Variants in MS4A1 observed in about 807,000 individuals in gnomAD.
MS4A1 encodes membrane spanning 4-domains A1, also known as B-lymphocyte antigen CD20.
Under a neutral mutation model 26.5 loss-of-function variants are expected in MS4A1, and 16 were observed. The ratio of observed to expected loss-of-function variants is 0.60; its 90% CI spans 0.41 to 0.92. The LOEUF is 0.92. Among genes scored for constraint, MS4A1 ranks in the 40% least tolerant of loss-of-function variants. MS4A1 has a pLI of 0.00. For synonymous variants in MS4A1, 128 were observed against 117.6 expected, an observed-to-expected ratio of 1.09 and a Z score of -0.57; for missense variants, 350 against 353.0, an observed-to-expected ratio of 0.99 and a Z score of 0.07.
Position 60,462,861 on chromosome 11 carries a change from G to T in MS4A1, c.160-141G>T, listed in dbSNP as rs1167333310. 9 of 1,319,260 alleles carry T rather than the reference G, an allele frequency of 6.8e-6. No homozygotes were observed. In the African/African-American group the frequency reaches 7.2e-5, roughly 11 times the overall value. The allele number at this position is 1,319,260 out of a possible 1,614,324, so 81.7% of individuals were successfully genotyped here. Reference sequence around the variant, plus strand: ...AGGAAACAGATTCGAACAAGAAAAAGACAAAATTCTTGGCACCTCCACTGC... The same window carrying T: ...AGGAAACAGATTCGAACAAGAAAAATACAAAATTCTTGGCACCTCCACTGC... On this transcript the variant is annotated intron_variant, in intron 3 of 7. Transcript: ENST00000345732.
In MS4A1 at chr11:60,464,342, T is replaced by A. The variant is rs1472951650; in HGVS notation, c.334T>A (p.Leu112Met). 2 of 1,613,410 alleles carry A rather than the reference T, an allele frequency of 1.2e-6. No individual in the cohort carries two copies. The highest frequency in any genetic ancestry group is 3.3e-5 in the Admixed American group (2 of 59,970). Residue 112 changes from leucine (L) to methionine (M), a missense_variant and splice_region_variant, in exon 5 of 8, where the codon TTG becomes ATG. By Grantham distance (15) the Leu-to-Met change is conservative (BLOSUM62 2). Transcript: ENST00000345732. ...AACGGAGAAAAACTCCAGGAAGTGTTTGGCAAGTAACCATATGTCCTTCTT... is the reference window on the plus strand; with the variant it reads ...AACGGAGAAAAACTCCAGGAAGTGTATGGCAAGTAACCATATGTCCTTCTT... Reference protein sequence around the residue: ...AATEKNSRKCLVKGKMIMNSL... With the variant: ...AATEKNSRKCMVKGKMIMNSL...
rs202217903 is a variant in MS4A1 at position 60,462,528 on chromosome 11, T to C, written c.154T>C (p.Leu52=). ...CTTCTTCATGAGGGAATCTAAGACT[T>C]TGGGGGTAAGTCAGTTGCCTTCCAT... ...QSFFMRESKT[L]GAVQIMNGLF... Residue 52 remains leucine, a synonymous_variant, in exon 3 of 8, where the codon TTG becomes CTG. Transcript: ENST00000345732. 11 of 1,614,026 alleles carry C rather than the reference T, an allele frequency of 6.8e-6. No homozygotes were observed. The highest frequency in any genetic ancestry group is 2.2e-5 in the South Asian group (2 of 91,080).
intron 1 of MS4A1, among the ~76,000 whole-genome samples, chr11:60,460,192 G>A (rs2086237005): frequency 6.6e-6 from 1 of 152,314 alleles, no homozygotes; most frequent in African/African-American, 2.4e-5. Flanking sequence ...GCTGCAGTGA[G>A]CTGTGATCAT....
chr11:60,461,896 G>T (rs1406844506), intron 2 of MS4A1, among the ~76,000 whole-genome samples: 3 of 148,956 alleles, frequency 2.0e-5, no homozygotes, highest in African/African-American at 4.8e-5. Context: ...GACCCCTCCT[G>T]CTTCTACAGA....
intron 5 of MS4A1, among the ~76,000 whole-genome samples, chr11:60,465,472 C>A (rs1415721720): frequency 2.6e-5 from 4 of 152,168 alleles, no homozygotes; most frequent in Non-Finnish European, 5.9e-5. Context: ...CCTTCCCAAC[C>A]TATACTTCAT....
At chr11:60,463,799 A>T (rs1189571124) in intron 4 of MS4A1, 3 of 455,886 alleles carry the variant, frequency 6.6e-6, no homozygotes, top group Non-Finnish European at 1.3e-5. Context: ...AATAGTCATC[A>T]TCACTTCCTG....
chr11:60,459,651 T>C (rs979060102), intron 1 of MS4A1, among the ~76,000 whole-genome samples: 3 of 152,170 alleles, frequency 2.0e-5, no homozygotes, highest in African/African-American at 7.2e-5. Context: ...ATATCTGTTT[T>C]TGTTAGAGGT....
chr11:60,468,398 CAG>C lies in MS4A1; in HGVS notation c.828_829del (p.Glu276AspfsTer18). ...ATCCAAGAAGAGGAAGAAGAAGAAA[CAG>C]AGACGAACTTTCCAGAACCTCCCCA... On this transcript the variant is annotated frameshift_variant, in exon 8 of 8. Coordinates refer to ENST00000345732, the MANE Select transcript of MS4A1 (RefSeq NM_152866.3). LOFTEE classifies it high-confidence loss of function. The C allele has an allele frequency of 6.2e-7, 1 of 1,614,110 alleles. No homozygotes were observed. The highest frequency in any genetic ancestry group is 8.5e-7 in the Non-Finnish European group (1 of 1,180,008).
At chr11:60,459,495 G>A (rs1450252043) in intron 1 of MS4A1, among the ~76,000 whole-genome samples, 1 of 152,152 alleles carries the variant, frequency 6.6e-6, no homozygotes, top group Non-Finnish European at 1.5e-5. Context: ...TAACTGTGAG[G>A]TCTTTACTAA....
At chr11:60,460,004 G>C (rs1283119610) in intron 1 of MS4A1, among the ~76,000 whole-genome samples, 3 of 152,096 alleles carry the variant, frequency 2.0e-5, no homozygotes. Flanking sequence ...CTAGCACTTT[G>C]GGAGGTGGAG....
At chr11:60,468,128 C>A in intron 7 of MS4A1, 122 bp from the exon 8 acceptor site, 1 of 922,960 alleles carries the variant, frequency 1.1e-6, no homozygotes, top group Non-Finnish European at 1.6e-6. Flanking sequence ...CATTTAAAGG[C>A]ATATAATAAA....
In MS4A1 at chr11:60,462,364, T is replaced by C. The variant is rs1246573705; in HGVS notation, c.-11T>C. The C allele has an allele frequency of 3.1e-6, 5 of 1,614,040 alleles. No individual in the cohort carries two copies. The highest frequency in any genetic ancestry group is 4.2e-6 in the Non-Finnish European group (5 of 1,180,022). On this transcript the variant is annotated 5_prime_UTR_variant, in exon 3 of 8. Coordinates refer to ENST00000345732, the MANE Select transcript of MS4A1 (RefSeq NM_152866.3). ...GTTATTTGTTTTATTTTTAGGAGTT[T>C]TGAGAGCAAAATGACAACACCCAGA...
chr11:60,467,190 G>A, intron 7 of MS4A1, 130 bp downstream of exon 7: 1 of 767,512 alleles, frequency 1.3e-6, no homozygotes, highest in Non-Finnish European at 2.2e-6. Context: ...AATTGGTCTT[G>A]GCATATTTCT....
intron 6 of MS4A1, 45 bp from the exon 7 acceptor site, chr11:60,466,914 G>C (rs772141783): frequency 6.5e-7 from 1 of 1,542,248 alleles, no homozygotes; most frequent in South Asian, 1.1e-5. Context: ...AATGTTCTTT[G>C]TGCCATTATT....
intron 3 of MS4A1, 142 bp downstream of exon 3, chr11:60,462,675 G>A: frequency 4.5e-6 from 5 of 1,110,020 alleles, no homozygotes; most frequent in Non-Finnish European, 6.7e-6. Flanking sequence ...AACACAGTGG[G>A]CCAAATCAGG....
intron 1 of MS4A1, 135 bp downstream of exon 1, chr11:60,456,080 T>C (rs895442278): frequency 3.3e-5 from 5 of 152,254 alleles, no homozygotes; most frequent in African/African-American, 1.2e-4. Flanking sequence ...GTTCTATGAC[T>C]TAAGGAGGGG....
chr11:60,468,486 C>T lies in MS4A1; in HGVS notation c.*18C>T, dbSNP rs752913290. On this transcript the variant is annotated 3_prime_UTR_variant, in exon 8 of 8. Transcript: ENST00000345732. ...CTCCTTAAGTGATTTCTTCTGTTTT[C>T]TGTTTCCTTTTTTAAACATTAGTGT... 3.7e-6 allele frequency: 6 copies of T among 1,610,182 alleles called. No individual in the cohort carries two copies. Among genetic ancestry groups the T allele is most frequent in the Middle Eastern group, 1.6e-4 (1 of 6,076 alleles).
chr11:60,466,776 G>A (rs1474733082), intron 6 of MS4A1, 183 bp from the exon 7 acceptor site: 3 of 650,962 alleles, frequency 4.6e-6, no homozygotes, highest in Admixed American at 2.2e-5. Context: ...CAAAAGTTGT[G>A]TTAAGAGTTA....
Position 60,462,265 on chromosome 11 carries a change from A to G in MS4A1, c.-110A>G. 8.4e-7 allele frequency: 1 copy of G among 1,183,684 alleles called. No individual in the cohort carries two copies. Among genetic ancestry groups the G allele is most frequent in the South Asian group, 1.3e-5 (1 of 79,338 alleles). 73.3% of individuals were successfully genotyped at this position (1,183,684 alleles called of 1,614,324 possible). A position where few individuals can be genotyped will look rare whatever the true frequency, so the allele number is the denominator to read the frequency against. ...ACCCTCAATGACACTCATGGAGGAA[A>G]TGCTGAGAGAAGCATTCAGATGCAT... On this transcript the variant is annotated 5_prime_UTR_variant, in exon 3 of 8. It removes an upstream start codon present in the reference 5' UTR. Transcript: ENST00000345732.
Sources: allele counts gnomAD v4.1 joint callset (sites outside exome capture counted in the v4.1 genomes callset), GRCh38; gene constraint gnomAD v4.1.1; transcripts MANE v1.5; gene names NCBI Gene and HGNC (gene_info 2026-07-23, HGNC 2026-07-21).